ANKS1A: variants seen among roughly 807,000 people sequenced by gnomAD.
ANKS1A encodes the protein ankyrin repeat and sterile alpha motif domain containing 1A.
A neutral mutation model predicts 120.3 loss-of-function variants in ANKS1A; 55 were observed. The observed-to-expected ratio is 0.46, with a 90% CI of 0.37 to 0.57. The LOEUF is 0.57. ANKS1A is among the 20% of genes least tolerant of loss of function. The probability of loss-of-function intolerance (pLI) is 0.00; values close to 1 mark genes in which losing one functional copy is unlikely to be tolerated. For missense variants in ANKS1A, 1,123 were observed against 1,480.3 expected (o/e 0.76, Z 3.96); for synonymous variants, 590 against 604.7 (o/e 0.98, Z 0.36).
At position 35,085,893 on chromosome 6, in the gene ANKS1A, C is replaced by T; in HGVS notation, c.3260C>T (p.Ser1087Phe). The stretch of plus-strand genomic sequence containing the variant: ...GCTGAGATGATTGAAACAAAATCTT[C>T]CAAACCGGTGCCTAAGCCTCGGGTC... ...SAAEMIETKS[S>F]KPVPKPRVGV... is the part of the protein sequence containing the mutation. The change falls in exon 22 of 24, where the codon TCC becomes TTC. Residue 1087 changes from serine (S) to phenylalanine (F), a missense_variant. By Grantham distance (155) the Ser-to-Phe change is radical. Transcript: ENST00000360359. The surrounding 1 kb of genome is among the most constrained non-coding windows in gnomAD (Gnocchi z 4.7). 1.2e-6 allele frequency: 2 copies of T among 1,613,328 alleles called. No homozygotes were observed. Among genetic ancestry groups the T allele is most frequent in the Non-Finnish European group, 1.7e-6 (2 of 1,179,806 alleles).
At chr6:34,937,333 A>T (rs1769307347) in intron 1 of ANKS1A, among the ~76,000 whole-genome samples, 1 of 151,730 alleles carries the variant, frequency 6.6e-6, no homozygotes, top group South Asian at 2.1e-4. Flanking sequence ...ATATTTTTTT[A>T]AAAAGAATGG....
intron 11 of ANKS1A, among the ~76,000 whole-genome samples, chr6:35,047,218 A>T (rs907264682): frequency 1.3e-5 from 2 of 152,198 alleles, no homozygotes; most frequent in African/African-American, 4.8e-5. Context: ...CCTTAAGTAT[A>T]TATAATTTGG....
At chr6:35,062,350 C>T (rs1776552278) in intron 13 of ANKS1A, among the ~76,000 whole-genome samples, 1 of 152,146 alleles carries the variant, frequency 6.6e-6, no homozygotes, top group Non-Finnish European at 1.5e-5. Flanking sequence ...GGCTGTCAGG[C>T]AAATTATGTT....
chr6:35,017,465 A>G lies in ANKS1A; in HGVS notation c.1424-8A>G, dbSNP rs201532907. On this transcript the variant is annotated splice_region_variant and splice_polypyrimidine_tract_variant and intron_variant, in intron 10 of 23. Transcript: ENST00000360359. ...TTTTTATTTCTCTGTCTCTCCGTCC[A>G]CTCCAAGACCACAGGCGGAGCAGCA... is the stretch of plus-strand genomic sequence containing the variant. 2.3e-4 allele frequency: 362 copies of G among 1,579,516 alleles called. No individual in the cohort carries two copies. Among genetic ancestry groups the G allele is most frequent in the Admixed American group, 2.8e-4 (15 of 53,488 alleles).
chr6:34,993,039 T>C (rs1402872693), intron 9 of ANKS1A, among the ~76,000 whole-genome samples: 1 of 152,218 alleles, frequency 6.6e-6, no homozygotes, highest in Non-Finnish European at 1.5e-5. Flanking sequence ...GCATTATTTG[T>C]TAGATGGAAT....
intron 13 of ANKS1A, among the ~76,000 whole-genome samples, chr6:35,065,212 C>T (rs1337963145): frequency 8.1e-5 from 11 of 136,296 alleles, no homozygotes; most frequent in African/African-American, 2.6e-4. Context: ...CTCTTGCCCC[C>T]CCTCCCTTTC....
intron 11 of ANKS1A, among the ~76,000 whole-genome samples, chr6:35,041,647 T>C (rs1775464343): frequency 6.6e-6 from 1 of 152,220 alleles, no homozygotes; most frequent in African/African-American, 2.4e-5. Flanking sequence ...TTGTACACTT[T>C]AACCTGACAC....
At position 35,084,003 on chromosome 6, in the gene ANKS1A, G is replaced by A. The variant is rs190036386; in HGVS notation, c.2995-118G>A. 4.1e-5 allele frequency: 60 copies of A among 1,463,530 alleles called. No homozygotes were observed. The African/African-American group carries it at 7.0e-4, about 17-fold the overall frequency. The allele number at this position is 1,463,530 out of a possible 1,614,324, so 90.7% of individuals were successfully genotyped here. On this transcript the variant is annotated intron_variant, in intron 20 of 23. Transcript: ENST00000360359. The surrounding 1 kb of genome is among the most constrained non-coding windows in gnomAD (Gnocchi z 4.8). ...TAAACAAAATGAGAAGATGAAGGGG[G>A]GTTTGCTTGATGCTCTAGGCTGGGA...
intron 18 of ANKS1A, 83 bp from the exon 19 acceptor site, chr6:35,083,072 T>G: frequency 1.3e-6 from 2 of 1,541,660 alleles, no homozygotes; most frequent in Non-Finnish European, 1.8e-6. Context: ...ACTACTTGAT[T>G]GTGGGACAGT....
At position 34,971,310 on chromosome 6, in the gene ANKS1A, G is replaced by A. The variant is rs1771173216; in HGVS notation, c.435+1144G>A. On this transcript the variant is annotated intron_variant, in intron 3 of 23. Transcript: ENST00000360359. ...TTTGAGCAAAAATAACCGTATAATG[G>A]CCATGGATTTAGTTACTCTGAGAAT... Among the ~76,000 whole-genome samples, 2 of 152,130 alleles carry A rather than the reference G, an allele frequency of 1.3e-5. 1 individual carries two copies. The highest frequency in any genetic ancestry group is 4.1e-4 in the South Asian group (2 of 4,820).
chr6:35,019,649 G>A (rs961795704), intron 11 of ANKS1A, among the ~76,000 whole-genome samples: 1 of 152,192 alleles, frequency 6.6e-6, no homozygotes, highest in Non-Finnish European at 1.5e-5. Flanking sequence ...ACACTGGAGT[G>A]TGTATATTTG....
rs147870936 is a variant in ANKS1A at position 35,044,841 on chromosome 6, C to G, written c.2011-9258C>G. Reference sequence around the variant, plus strand: ...ACCAGATAAATGTGAATGGCAAGTACAAGCCCTGTCTAATCGCTGTAAACT... The same window carrying G: ...ACCAGATAAATGTGAATGGCAAGTAGAAGCCCTGTCTAATCGCTGTAAACT... On this transcript the variant is annotated intron_variant, in intron 11 of 23. Coordinates refer to ENST00000360359, the MANE Select transcript of ANKS1A (RefSeq NM_015245.3). The surrounding 1 kb of genome is among the most constrained non-coding windows in gnomAD (Gnocchi z 4.4). Among the ~76,000 whole-genome samples, 23 of 152,286 alleles carry G rather than the reference C, an allele frequency of 1.5e-4. No individual in the cohort carries two copies. The highest frequency in any genetic ancestry group is 5.3e-4 in the African/African-American group (22 of 41,566).
At chr6:35,039,746 G>C (rs1406206096) in intron 11 of ANKS1A, 1 of 412,320 alleles carries the variant, frequency 2.4e-6, no homozygotes, top group African/African-American at 2.1e-5. Context: ...TTTTTCCCAG[G>C]TCTTTTTCCT....
chr6:35,020,561 C>T (rs1774282359), intron 11 of ANKS1A, among the ~76,000 whole-genome samples: 1 of 152,174 alleles, frequency 6.6e-6, no homozygotes, highest in African/African-American at 2.4e-5. Flanking sequence ...TTCTTTATGG[C>T]TCCTTCTGAG....
At chr6:34,908,429 C>T (rs973251184) in intron 1 of ANKS1A, among the ~76,000 whole-genome samples, 19 of 152,118 alleles carry the variant, frequency 1.2e-4, no homozygotes, top group Non-Finnish European at 2.5e-4. Context: ...AGTGCTGGAT[C>T]GTCATGGGAT....
chr6:34,986,257 G>A (rs1314053112), intron 8 of ANKS1A, among the ~76,000 whole-genome samples: 1 of 152,156 alleles, frequency 6.6e-6, no homozygotes, highest in Non-Finnish European at 1.5e-5. Context: ...TACCATCGCA[G>A]GTCAGACAGT....
Position 35,002,697 on chromosome 6 carries a change from C to T in ANKS1A, c.1423+8275C>T, listed in dbSNP as rs189861317. Among the ~76,000 whole-genome samples the T allele has an allele frequency of 2.0e-5, 3 of 152,108 alleles. No individual in the cohort carries two copies. In the East Asian group the frequency reaches 5.8e-4, roughly 29 times the overall value. ...GCCTGAGAATTAGTGCCTACAGACC[C>T]AGTTCCTGATGAATTCCCGGCCCTA... On this transcript the variant is annotated intron_variant, in intron 10 of 23. Coordinates refer to ENST00000360359, the MANE Select transcript of ANKS1A (RefSeq NM_015245.3).
rs1776457116 is a variant in ANKS1A, at chr6:35,060,805, G to T, written c.2184+552G>T. 1.3e-5 allele frequency among the ~76,000 whole-genome samples: 2 copies of T among 152,136 alleles called. No individual in the cohort carries two copies. The highest frequency in any genetic ancestry group is 4.8e-5 in the African/African-American group (2 of 41,426). On this transcript the variant is annotated intron_variant, in intron 13 of 23. Transcript: ENST00000360359. This position sits in a 1 kb window ranked among gnomAD's most constrained non-coding sequence, Gnocchi z 4.5. ...GAAGCTCTCTCACAAAACACAAAGGGCCAAAAATAAAAAGAGAAACCAGGG... is the reference window on the plus strand; with the variant it reads ...GAAGCTCTCTCACAAAACACAAAGGTCCAAAAATAAAAAGAGAAACCAGGG...
chr6:35,095,556 C>CA (rs34931330), downstream of ANKS1A, among the ~76,000 whole-genome samples: 15,775 of 55,284 alleles, frequency 0.29, 2,071 homozygotes, highest in African/African-American at 0.37. Flanking sequence ...GACTGTGTCA[C>CA]AAAAAAAAAA....
Sources: allele counts gnomAD v4.1 joint callset (sites outside exome capture counted in the v4.1 genomes callset), GRCh38; gene constraint gnomAD v4.1.1; non-coding constraint Gnocchi (gnomAD v3.1); transcripts MANE v1.5; gene names NCBI Gene and HGNC (gene_info 2026-07-23, HGNC 2026-07-21).